Variants in BICRA observed in about 807,000 individuals in gnomAD.
The protein encoded by BICRA is BRD4 interacting chromatin remodeling complex associated protein.
A neutral mutation model predicts 96.9 loss-of-function variants in BICRA; 31 were observed. The observed-to-expected ratio is 0.32, with a 90% CI of 0.24 to 0.43. BICRA has a LOEUF of 0.43. BICRA is among the 20% of genes least tolerant of loss of function. The pLI, the probability that BICRA is intolerant of heterozygous loss-of-function variation, is 1.00. For missense variants in BICRA, 2,283 were observed against 2,190.3 expected (o/e 1.04, Z -0.84); for synonymous variants, 1,350 against 1,071.8 (o/e 1.26, Z -5.07).
chr19:47,679,139 C>T, intron 5 of BICRA, 182 bp from the exon 6 acceptor site: 2 of 434,148 alleles, frequency 4.6e-6, no homozygotes, highest in South Asian at 2.2e-4. Flanking sequence ...TCAAGCCATC[C>T]ATCCTCCTAC....
Position 47,679,448 on chromosome 19 carries a change from G to C in BICRA, c.278G>C (p.Gly93Ala). ...GSPATGGGGG[G>A]SGGADQPCDI... Reference sequence around the variant, plus strand: ...CCTGCGACAGGGGGCGGCGGCGGGGGCAGTGGGGGCGCTGACCAGCCCTGT... The same window carrying C: ...CCTGCGACAGGGGGCGGCGGCGGGGCCAGTGGGGGCGCTGACCAGCCCTGT... Residue 93 changes from glycine to alanine, a missense_variant, in exon 6 of 15, where the codon GGC (glycine) becomes GCC (alanine). By Grantham distance (60) the Gly-to-Ala change is moderately conservative. Coordinates refer to ENST00000594866, the MANE Select transcript of BICRA (RefSeq NM_001394372.1). The C allele has an allele frequency of 6.6e-7, 1 of 1,504,044 alleles. No homozygotes were observed. Among genetic ancestry groups the C allele is most frequent in the East Asian group, 2.6e-5 (1 of 38,792 alleles). 93.2% of individuals were successfully genotyped at this position (1,504,044 alleles called of 1,614,324 possible). A position where few individuals can be genotyped will look rare whatever the true frequency, so the allele number is the denominator to read the frequency against.
chr19:47,629,008 A>G (rs902404950), intron 1 of BICRA, among the ~76,000 whole-genome samples: 1 of 150,902 alleles, frequency 6.6e-6, no homozygotes, highest in Non-Finnish European at 1.5e-5. Flanking sequence ...AACTTTATTT[A>G]TTTATTTTTT....
intron 7 of BICRA, among the ~76,000 whole-genome samples, chr19:47,689,743 G>T (rs1025887985): frequency 6.6e-6 from 1 of 152,148 alleles, no homozygotes; most frequent in African/African-American, 2.4e-5. Context: ...TCCCTTTCCA[G>T]TTCTTCGTGT....
Position 47,701,957 on chromosome 19 carries a change from G to C in BICRA, c.4225G>C (p.Ala1409Pro), listed in dbSNP as rs1377703461. ...GCCGGAGGGGACGCCCGCAGGCAGG[G>C]CACGGGGAGGCAGCCCGGCGCCGCT... ...GAPEGTPAGRARGGSPAPLPA... is the reference protein window; with the variant it reads ...GAPEGTPAGRPRGGSPAPLPA... The change falls in exon 15 of 15, where the codon GCA (alanine) becomes CCA (proline). Residue 1409 changes from alanine (A) to proline (P), a missense_variant. Transcript: ENST00000594866. This position sits in a 1 kb window ranked among gnomAD's most constrained non-coding sequence, Gnocchi z 5.4. The C allele has an allele frequency of 6.9e-7, 1 of 1,455,790 alleles. No homozygotes were observed. Among genetic ancestry groups the C allele is most frequent in the Admixed American group, 2.8e-5 (1 of 35,102 alleles). The allele number at this position is 1,455,790 out of a possible 1,614,324, so 90.2% of individuals were successfully genotyped here. A position where few individuals can be genotyped will look rare whatever the true frequency, so the allele number is the denominator to read the frequency against.
chr19:47,616,598 G>A (rs896600825), intron 1 of BICRA, among the ~76,000 whole-genome samples: 2 of 150,830 alleles, frequency 1.3e-5, no homozygotes, highest in Non-Finnish European at 3.0e-5. Context: ...GAGATCGCAC[G>A]ATTGCACTCC....
At chr19:47,652,239 G>C (rs1286866052) in intron 1 of BICRA, among the ~76,000 whole-genome samples, 1 of 152,138 alleles carries the variant, frequency 6.6e-6, no homozygotes, top group African/African-American at 2.4e-5. Context: ...AGGCTGGAGT[G>C]CAATCGTGTG....
chr19:47,683,041 G>C (rs934432893), intron 7 of BICRA, among the ~76,000 whole-genome samples: 1 of 152,176 alleles, frequency 6.6e-6, no homozygotes, highest in Non-Finnish European at 1.5e-5. Context: ...TATTTAGCCA[G>C]TCTAAATTGT....
At chr19:47,634,919 T>G (rs554961671) in intron 1 of BICRA, among the ~76,000 whole-genome samples, 1 of 151,710 alleles carries the variant, frequency 6.6e-6, no homozygotes, top group Non-Finnish European at 1.5e-5. Flanking sequence ...CCCGCCACCA[T>G]GCCTGGTTAA....
At chr19:47,682,348 C>T (rs1024173157) in intron 7 of BICRA, among the ~76,000 whole-genome samples, 196 bp downstream of exon 7, 1 of 152,180 alleles carries the variant, frequency 6.6e-6, no homozygotes, top group Non-Finnish European at 1.5e-5. Flanking sequence ...GGGGAGCCCA[C>T]GCGCTGCAGG....
chr19:47,661,476 G>A (rs1024291367), intron 1 of BICRA, among the ~76,000 whole-genome samples: 2 of 152,032 alleles, frequency 1.3e-5, no homozygotes, highest in African/African-American at 2.4e-5. Context: ...GAGCCGGGCC[G>A]GGGAGGAGGG....
intron 1 of BICRA, among the ~76,000 whole-genome samples, chr19:47,611,127 C>T (rs1170195485): frequency 6.6e-6 from 1 of 152,070 alleles, no homozygotes; most frequent in Non-Finnish European, 1.5e-5. Flanking sequence ...CACACAGAGC[C>T]CCAATTTGTA....
intron 7 of BICRA, among the ~76,000 whole-genome samples, chr19:47,684,337 A>T (rs1196742576): frequency 6.6e-6 from 1 of 152,066 alleles, no homozygotes; most frequent in Admixed American, 6.6e-5. Context: ...GCCTGCCACC[A>T]TGTTTGGCTA....
At chr19:47,659,809 G>A (rs573486952) in intron 1 of BICRA, among the ~76,000 whole-genome samples, 48 of 151,914 alleles carry the variant, frequency 3.2e-4, no homozygotes, top group African/African-American at 1.1e-3. Flanking sequence ...TGGTGCAGTG[G>A]CATGATCTTG....
intron 1 of BICRA, among the ~76,000 whole-genome samples, chr19:47,614,773 T>G (rs1287504832): frequency 6.6e-6 from 1 of 152,190 alleles, no homozygotes; most frequent in East Asian, 1.9e-4. Context: ...ATGGTATTCC[T>G]CTGTGTGGGT....
chr19:47,643,594 G>A lies in BICRA; in HGVS notation c.-107-26849G>A, dbSNP rs181981288. 3.4e-3 allele frequency among the ~76,000 whole-genome samples: 511 copies of A among 152,298 alleles called. 3 individuals carry two copies. The highest frequency in any genetic ancestry group is 6.8e-3 in the Middle Eastern group (2 of 294). On this transcript the variant is annotated intron_variant, in intron 1 of 14. Transcript: ENST00000594866. ...GACACCAGCCTCCCACTGGGTGGCT[G>A]TGGACAGAAGAGCTCAGCAGAAGCC...
chr19:47,694,311 C>CCCA lies in BICRA; in HGVS notation c.2482_2483insACC (p.Ala827_Pro828insHis). 1 of 806,954 alleles carries CCCA rather than the reference C, an allele frequency of 1.2e-6. No homozygotes were observed. Among genetic ancestry groups the CCCA allele is most frequent in the Non-Finnish European group, 1.9e-6 (1 of 519,104 alleles). 50.0% of individuals were successfully genotyped at this position (806,954 alleles called of 1,614,324 possible). A position where few individuals can be genotyped will look rare whatever the true frequency, so the allele number is the denominator to read the frequency against. On this transcript the variant is annotated inframe_insertion, in exon 8 of 15. Transcript: ENST00000594866. ...TTGCACCCTTGCCCCCCACCCCAGG[C>CCCA]CCCCCCAACTCTGCCTGGCATCTTT...
chr19:47,676,549 TC>T (rs1327216376), intron 5 of BICRA, among the ~76,000 whole-genome samples: 1 of 81,812 alleles, frequency 1.2e-5, no homozygotes, highest in South Asian at 5.7e-4. Flanking sequence ...CACCTTTTCC[TC>T]CCCCCACCTT....
Position 47,699,100 on chromosome 19 carries a change from C to T in BICRA, c.3492+41C>T, listed in dbSNP as rs1445973035. On this transcript the variant is annotated intron_variant, in intron 13 of 14. Transcript: ENST00000594866. This position sits in a 1 kb window ranked among gnomAD's most constrained non-coding sequence, Gnocchi z 5.0. ...CCTTCCTCGCCTCTGGGCTCCTCCT[C>T]GCTGGGACACTGCCCCTTTCCCTCA... 2 of 1,305,944 alleles carry T rather than the reference C, an allele frequency of 1.5e-6. No homozygotes were observed. Among genetic ancestry groups the T allele is most frequent in the African/African-American group, 1.5e-5 (1 of 68,478 alleles). 80.9% of individuals were successfully genotyped at this position (1,305,944 alleles called of 1,614,324 possible). A position where few individuals can be genotyped will look rare whatever the true frequency, so the allele number is the denominator to read the frequency against.
At position 47,702,334 on chromosome 19, in the gene BICRA, C is replaced by T. The variant is rs1193907883; in HGVS notation, c.4602C>T (p.Ser1534=). ...PHAASAGTPA[S]PPPLHRPEAY... ...CTGCCTCGGCCGGCACCCCCGCATC[C>T]CCGCCGCCCCTGCACAGGCCCGAGG... Residue 1534 remains serine (S), a synonymous_variant, in exon 15 of 15, where the codon TCC becomes TCT. Coordinates refer to ENST00000594866, the MANE Select transcript of BICRA (RefSeq NM_001394372.1). 1 of 1,548,692 alleles carries T rather than the reference C, an allele frequency of 6.5e-7. No individual in the cohort carries two copies. The highest frequency in any genetic ancestry group is 8.6e-7 in the Non-Finnish European group (1 of 1,156,912).
Sources: gnomAD v4.1 joint callset for allele counts (sites outside exome capture counted in the v4.1 genomes callset) on GRCh38, gnomAD v4.1.1 for gene constraint, Gnocchi (gnomAD v3.1) non-coding constraint, MANE v1.5 for transcripts, NCBI Gene and HGNC (gene_info 2026-07-23, HGNC 2026-07-21) for gene names.